Variants in CAP2 observed in about 807,000 individuals in gnomAD.
CAP2 encodes the protein cyclase associated actin cytoskeleton regulatory protein 2.
A neutral mutation model predicts 57.7 loss-of-function variants in CAP2; 24 were observed. The ratio of observed to expected loss-of-function variants is 0.42; its 90% CI spans 0.30 to 0.58. The LOEUF is 0.58. Ranked by LOEUF, CAP2 falls within the 20% of genes least tolerant of loss-of-function variation. The pLI, the probability that CAP2 is intolerant of heterozygous loss-of-function variation, is 0.22. For synonymous variants in CAP2, 194 were observed against 207.2 expected (o/e 0.94, Z 0.55); for missense variants, 501 against 590.3 (o/e 0.85, Z 1.57).
chr6:17,552,978 T>C (rs914488476), intron 12 of CAP2, among the ~76,000 whole-genome samples: 3 of 152,156 alleles, frequency 2.0e-5, no homozygotes, highest in African/African-American at 7.2e-5. Context: ...TACTAGTAAG[T>C]GTGTATGGAC....
At chr6:17,507,779 T>G in intron 6 of CAP2, 53 bp downstream of exon 6, 1 of 1,001,776 alleles carries the variant, frequency 1.0e-6, no homozygotes, top group Non-Finnish European at 1.6e-6. Context: ...TGTTAGACAT[T>G]TGTCCCTAAA....
At chr6:17,521,394 G>C (rs1187957650) in intron 7 of CAP2, among the ~76,000 whole-genome samples, 3 of 152,070 alleles carry the variant, frequency 2.0e-5, no homozygotes, top group Non-Finnish European at 4.4e-5. Context: ...CTCCAGCCTG[G>C]GCCACAGAGC....
At chr6:17,469,416 C>CTG (rs145245116) in intron 4 of CAP2, among the ~76,000 whole-genome samples, 64 of 150,198 alleles carry the variant, frequency 4.3e-4, no homozygotes, top group Admixed American at 6.6e-4. Context: ...CTGTGTGTGT[C>CTG]TGTGTGTGTG....
intron 1 of CAP2, among the ~76,000 whole-genome samples, chr6:17,400,859 C>A (rs1337711458): frequency 1.6e-5 from 2 of 124,208 alleles, no homozygotes; most frequent in Non-Finnish European, 3.2e-5. Context: ...AGTGAGACTC[C>A]GTCTCAAAAA....
At chr6:17,529,299 T>G (rs2113685032) in intron 7 of CAP2, among the ~76,000 whole-genome samples, 1 of 152,268 alleles carries the variant, frequency 6.6e-6, no homozygotes, top group South Asian at 2.1e-4. Context: ...TATTGATCAA[T>G]GTACATCTTG....
At chr6:17,526,427 CTT>C (rs1762512406) in intron 7 of CAP2, among the ~76,000 whole-genome samples, 1 of 152,106 alleles carries the variant, frequency 6.6e-6, no homozygotes, top group East Asian at 1.9e-4. Flanking sequence ...CAAAATGTGT[CTT>C]TCCTTCTGTC....
intron 3 of CAP2, among the ~76,000 whole-genome samples, chr6:17,438,888 A>G (rs1345268537): frequency 4.0e-5 from 6 of 150,626 alleles, no homozygotes; most frequent in Admixed American, 1.3e-4. Flanking sequence ...CAAGGTGGGC[A>G]GATGACGATG....
rs777803474 is a variant in CAP2 at position 17,406,398 on chromosome 6, C to CTTTTTTTTTTTTTTTTTTTT, written c.-2+12667_-2+12668insTTTTTTTTTTTTTTTTTTTT. Among the ~76,000 whole-genome samples, 325 of 102,320 alleles carry CTTTTTTTTTTTTTTTTTTTT rather than the reference C, an allele frequency of 3.2e-3. 36 individuals are homozygous for CTTTTTTTTTTTTTTTTTTTT. Among genetic ancestry groups the CTTTTTTTTTTTTTTTTTTTT allele is most frequent in the African/African-American group, 3.8e-3 (65 of 16,982 alleles). 67.1% of individuals were successfully genotyped at this position (102,320 alleles called of 152,430 possible). A position where few individuals can be genotyped will look rare whatever the true frequency, so the allele number is the denominator to read the frequency against. On this transcript the variant is annotated intron_variant, in intron 1 of 12. Transcript: ENST00000229922. Reference sequence around the variant, plus strand: ...CTTTTCTGTCAGTAAGCCCAGATTTCTTTTTTTTTTTTTTTGAGGCAGTCT... The same window carrying CTTTTTTTTTTTTTTTTTTTT: ...CTTTTCTGTCAGTAAGCCCAGATTTCTTTTTTTTTTTTTTTTTTTTTTTTTTTTTTTTTTTGAGGCAGTCT...
At chr6:17,521,995 G>T (rs1381536258) in intron 7 of CAP2, among the ~76,000 whole-genome samples, 3 of 152,062 alleles carry the variant, frequency 2.0e-5, no homozygotes, top group African/African-American at 7.2e-5. Context: ...TGTAATCCCA[G>T]CTACTCAGGA....
rs1427276239 is a variant in CAP2, at chr6:17,449,188, A to T, written c.223-13808A>T. On this transcript the variant is annotated intron_variant, in intron 3 of 12. Coordinates refer to ENST00000229922, the MANE Select transcript of CAP2 (RefSeq NM_006366.3). ...AGAATTTAGGGCTTGGACTAAGGTGACACAAGTGAACATTGCAGGGTGTGA... is the reference window on the plus strand; with the variant it reads ...AGAATTTAGGGCTTGGACTAAGGTGTCACAAGTGAACATTGCAGGGTGTGA... Among the ~76,000 whole-genome samples, 6 of 152,190 alleles carry T rather than the reference A, an allele frequency of 3.9e-5. No individual in the cohort carries two copies. The East Asian group carries it at 1.2e-3, about 29-fold the overall frequency.
At chr6:17,490,755 G>A (rs185081603) in intron 4 of CAP2, among the ~76,000 whole-genome samples, 65 of 152,250 alleles carry the variant, frequency 4.3e-4, no homozygotes, top group African/African-American at 1.5e-3. Context: ...CTGGAGTTTG[G>A]GGACTTTGAG....
chr6:17,497,190 G>T (rs1561805134), intron 4 of CAP2, among the ~76,000 whole-genome samples: 1 of 152,192 alleles, frequency 6.6e-6, no homozygotes, highest in Non-Finnish European at 1.5e-5. Flanking sequence ...AATTCGATTG[G>T]TTTCAGCAGT....
chr6:17,461,131 A>G (rs1004965053), intron 3 of CAP2, among the ~76,000 whole-genome samples: 6 of 152,150 alleles, frequency 3.9e-5, no homozygotes, highest in Non-Finnish European at 5.9e-5. Context: ...CCTGGGTGAC[A>G]GAGTGAGACC....
intron 3 of CAP2, among the ~76,000 whole-genome samples, chr6:17,453,901 CT>C (rs11339880): frequency 0.47 from 53,888 of 114,676 alleles, 12,430 homozygotes; most frequent in East Asian, 0.79. Flanking sequence ...TCTTTTTATT[CT>C]TTTTTTTTTT....
At chr6:17,537,267 A>T (rs1290669595) in intron 7 of CAP2, among the ~76,000 whole-genome samples, 2 of 151,892 alleles carry the variant, frequency 1.3e-5, no homozygotes, top group African/African-American at 4.8e-5. Context: ...ACTCACTGCA[A>T]CCTCTGCCTC....
chr6:17,400,707 C>CA (rs1003395878), intron 1 of CAP2, among the ~76,000 whole-genome samples: 120 of 151,076 alleles, frequency 7.9e-4, no homozygotes, highest in African/African-American at 2.4e-3. Flanking sequence ...ACTAAAAATA[C>CA]AAAAAAAATT....
At chr6:17,474,183 GTCTTTTTTTTT>G (rs1169802304) in intron 4 of CAP2, among the ~76,000 whole-genome samples, 7 of 104,738 alleles carry the variant, frequency 6.7e-5, no homozygotes, top group African/African-American at 2.6e-4. Flanking sequence ...GAAAAAAACA[GTCTTTTTTTTT>G]TTTTTTTTTT....
chr6:17,497,669 T>C (rs925523457), intron 4 of CAP2, among the ~76,000 whole-genome samples: 1 of 152,248 alleles, frequency 6.6e-6, no homozygotes, highest in Non-Finnish European at 1.5e-5. Context: ...ACTCATGTTG[T>C]CAAGTTCCCT....
chr6:17,486,746 T>C (rs1761429507), intron 4 of CAP2, among the ~76,000 whole-genome samples: 1 of 152,254 alleles, frequency 6.6e-6, no homozygotes, highest in Admixed American at 6.5e-5. Flanking sequence ...AAACATGTTT[T>C]CTCTTACCCA....
Sources: allele counts gnomAD v4.1 joint callset (sites outside exome capture counted in the v4.1 genomes callset), GRCh38; gene constraint gnomAD v4.1.1; transcripts MANE v1.5; gene names NCBI Gene and HGNC (gene_info 2026-07-23, HGNC 2026-07-21).